MOB3B: variants seen among roughly 807,000 people sequenced by gnomAD.
The protein encoded by MOB3B is MOB kinase activator-like 2B.
MOB3B carries 7 observed loss-of-function variants against 18.7 expected under a neutral mutation model. The ratio of observed to expected loss-of-function variants is 0.37; its 90% CI spans 0.21 to 0.70. The LOEUF (loss-of-function observed/expected upper bound fraction) is 0.70, where lower values mean the gene tolerates loss of function less well. MOB3B is among the 30% of genes least tolerant of loss of function. MOB3B has a pLI of 0.52. For missense variants in MOB3B, 253 were observed against 281.3 expected (o/e 0.90, Z 0.72); for synonymous variants, 111 against 99.9 (o/e 1.11, Z -0.66).
At chr9:27,337,285 A>G (rs1487205987) in intron 3 of MOB3B, among the ~76,000 whole-genome samples, 4 of 152,238 alleles carry the variant, frequency 2.6e-5, no homozygotes, top group African/African-American at 4.8e-5. Flanking sequence ...TCCACTTCTT[A>G]GAGACTTAAA....
intron 2 of MOB3B, among the ~76,000 whole-genome samples, chr9:27,389,070 A>G (rs1021238430): frequency 3.3e-5 from 5 of 152,180 alleles, no homozygotes; most frequent in African/African-American, 1.2e-4. Context: ...ACCTCCTTTG[A>G]TGGTATCCCA....
intron 1 of MOB3B, among the ~76,000 whole-genome samples, chr9:27,517,916 A>G (rs1820263370): frequency 2.0e-5 from 3 of 152,136 alleles, no homozygotes; most frequent in Non-Finnish European, 4.4e-5. Flanking sequence ...GCTTCTTCTC[A>G]GGCTACCTGC....
Position 27,455,700 on chromosome 9 carries a change from C to T in MOB3B, c.-150G>A, listed in dbSNP as rs1822858781. The T allele has an allele frequency of 6.7e-7, 1 of 1,485,280 alleles. No homozygotes were observed. Among genetic ancestry groups the T allele is most frequent in the Non-Finnish European group, 8.9e-7 (1 of 1,128,388 alleles). 92.0% of individuals were successfully genotyped at this position (1,485,280 alleles called of 1,614,324 possible). Reference sequence around the variant, plus strand: ...AGCTTTTAAGCTCTTCTAAACAGCCCCTTCCATCTTCCTCTTGAATGATTT... The same window carrying T: ...AGCTTTTAAGCTCTTCTAAACAGCCTCTTCCATCTTCCTCTTGAATGATTT... On this transcript the variant is annotated 5_prime_UTR_variant, in exon 2 of 4. Coordinates refer to ENST00000262244, the MANE Select transcript of MOB3B (RefSeq NM_024761.5).
intron 2 of MOB3B, among the ~76,000 whole-genome samples, chr9:27,398,999 C>T (rs1821838907): frequency 6.8e-6 from 1 of 146,810 alleles, no homozygotes; most frequent in Non-Finnish European, 1.5e-5. Context: ...GTTCTGGGGG[C>T]AGGGGGGTGG....
intron 2 of MOB3B, among the ~76,000 whole-genome samples, chr9:27,453,214 A>G (rs187906990): frequency 6.6e-6 from 1 of 152,358 alleles, no homozygotes; most frequent in African/African-American, 2.4e-5. Context: ...ACCACATACT[A>G]TTCTTTTCTT....
intron 1 of MOB3B, among the ~76,000 whole-genome samples, chr9:27,527,726 C>T (rs1820458166): frequency 6.6e-6 from 1 of 152,378 alleles, no homozygotes; most frequent in East Asian, 1.9e-4. Context: ...AACTGCAAGG[C>T]TATGGGGTAG....
At chr9:27,368,886 T>C (rs1031397142) in intron 2 of MOB3B, among the ~76,000 whole-genome samples, 1 of 152,236 alleles carries the variant, frequency 6.6e-6, no homozygotes, top group Non-Finnish European at 1.5e-5. Flanking sequence ...GCGCCACTTC[T>C]GAGTTGCTCA....
At chr9:27,343,731 G>A (rs960389375) in intron 3 of MOB3B, among the ~76,000 whole-genome samples, 6 of 145,022 alleles carry the variant, frequency 4.1e-5, no homozygotes, top group Non-Finnish European at 7.4e-5. Flanking sequence ...GCAGTACAGG[G>A]CATTTTATGC....
intron 1 of MOB3B, among the ~76,000 whole-genome samples, chr9:27,474,940 G>A (rs1013392654): frequency 2.6e-5 from 4 of 152,202 alleles, no homozygotes; most frequent in Non-Finnish European, 4.4e-5. Context: ...TGGCATCCAT[G>A]CTTTTGTATA....
intron 2 of MOB3B, among the ~76,000 whole-genome samples, chr9:27,427,509 C>T (rs1822352010): frequency 6.6e-6 from 1 of 152,182 alleles, no homozygotes. Context: ...TTAATGTCAG[C>T]CCAGGTAGTC....
chr9:27,330,652 C>T, intron 3 of MOB3B, 36 bp from the exon 4 acceptor site: 1 of 1,613,642 alleles, frequency 6.2e-7, no homozygotes, highest in Non-Finnish European at 8.5e-7. Context: ...TTAGGAGAAA[C>T]TATAAGCAGA....
At chr9:27,487,898 T>A (rs1819755188) in intron 1 of MOB3B, among the ~76,000 whole-genome samples, 3 of 152,188 alleles carry the variant, frequency 2.0e-5, no homozygotes. Flanking sequence ...TGCATCCTTG[T>A]AGATTTCACT....
intron 1 of MOB3B, among the ~76,000 whole-genome samples, chr9:27,475,437 C>T (rs1819539466): frequency 6.6e-6 from 1 of 152,222 alleles, no homozygotes; most frequent in Non-Finnish European, 1.5e-5. Context: ...ATAGATAAAT[C>T]ATACAGCTGT....
At chr9:27,381,572 T>C (rs1266895702) in intron 2 of MOB3B, among the ~76,000 whole-genome samples, 1 of 152,208 alleles carries the variant, frequency 6.6e-6, no homozygotes, top group African/African-American at 2.4e-5. Flanking sequence ...GTCATCGCAC[T>C]CTAGGCTGGG....
Position 27,328,992 on chromosome 9 carries a change from C to T in MOB3B, c.*1595G>A, listed in dbSNP as rs1265234221. The stretch of plus-strand genomic sequence containing the variant: ...GAGACACAAAGCAAGGTTCAGGCTG[C>T]TTGGTTAGGTCAACAGAGAATGCCA... On this transcript the variant is annotated 3_prime_UTR_variant, in exon 4 of 4. Transcript: ENST00000262244. 2.0e-5 allele frequency: 3 copies of T among 152,526 alleles called. No individual in the cohort carries two copies. Among genetic ancestry groups the T allele is most frequent in the Non-Finnish European group, 2.9e-5 (2 of 68,040 alleles). The allele number at this position is 152,526 out of a possible 1,614,324, so 9.4% of individuals were successfully genotyped here. A position where few individuals can be genotyped will look rare whatever the true frequency, so the allele number is the denominator to read the frequency against.
intron 1 of MOB3B, among the ~76,000 whole-genome samples, chr9:27,517,558 GA>G (rs1820255744): frequency 7.4e-6 from 1 of 134,756 alleles, no homozygotes; most frequent in South Asian, 2.5e-4. Flanking sequence ...TGAGGCAGGA[GA>G]ATTGCTTGAG....
intron 1 of MOB3B, among the ~76,000 whole-genome samples, chr9:27,522,242 C>CAAAA (rs1171362204): frequency 0.052 from 2,896 of 56,170 alleles, 59 homozygotes; most frequent in Middle Eastern, 0.059. Context: ...CCCCGTCTCA[C>CAAAA]AAAAAAAAAA....
chr9:27,524,200 A>T, intron 1 of MOB3B: 2 of 778,818 alleles, frequency 2.6e-6, no homozygotes, highest in Non-Finnish European at 3.7e-6. Context: ...AGGGGCCGCA[A>T]CCTTGGTTAA....
chr9:27,354,161 G>T (rs1348666625), intron 3 of MOB3B, among the ~76,000 whole-genome samples: 2 of 152,248 alleles, frequency 1.3e-5, no homozygotes, highest in Non-Finnish European at 2.9e-5. Flanking sequence ...AGCTCTGGGG[G>T]TGGATGGATG....
Sources: allele counts gnomAD v4.1 joint callset (sites outside exome capture counted in the v4.1 genomes callset), GRCh38; gene constraint gnomAD v4.1.1; transcripts MANE v1.5; gene names NCBI Gene and HGNC (gene_info 2026-07-23, HGNC 2026-07-21).